ARHGAP26: variants seen among roughly 807,000 people sequenced by gnomAD.
The protein encoded by ARHGAP26 is Rho GTPase activating protein 26.
In ARHGAP26, 38 loss-of-function variants were observed where a neutral mutation model predicts 104.8. That is an observed-to-expected ratio of 0.36 (90% CI 0.28 to 0.48). The LOEUF is 0.48. ARHGAP26 is among the 20% of genes least tolerant of loss of function. ARHGAP26 has a pLI of 0.99. For synonymous variants in ARHGAP26, 341 were observed against 340.0 expected, an observed-to-expected ratio of 1.00 and a Z score of -0.03; for missense variants, 704 against 947.9, an observed-to-expected ratio of 0.74 and a Z score of 3.38.
intron 11 of ARHGAP26, among the ~76,000 whole-genome samples, chr5:142,980,656 T>C (rs1773814642): frequency 6.6e-6 from 1 of 152,136 alleles, no homozygotes; most frequent in Admixed American, 6.5e-5. Flanking sequence ...CCCAAAGTGC[T>C]GGGATTACAG....
intron 12 of ARHGAP26, among the ~76,000 whole-genome samples, chr5:143,030,748 C>T (rs245832): frequency 0.98 from 148,959 of 152,388 alleles, 73,349 homozygotes; most frequent in Middle Eastern, 1. Context: ...TACCTATTCA[C>T]GTATCCAAAA....
rs868161699 is a variant in ARHGAP26 at position 142,823,600 on chromosome 5, C to T, written c.155-49800C>T. Among the ~76,000 whole-genome samples the T allele has an allele frequency of 2.0e-5, 3 of 151,964 alleles. 1 individual carries two copies. The highest frequency in any genetic ancestry group is 4.2e-4 in the South Asian group (2 of 4,818). ...CTAATCTCAAAGCACTGATCATAAG[C>T]AAGTACTATAAGAAAAAAAAAATCC... On this transcript the variant is annotated intron_variant, in intron 1 of 22. Coordinates refer to ENST00000645722, the MANE Select transcript of ARHGAP26 (RefSeq NM_001135608.3).
intron 11 of ARHGAP26, among the ~76,000 whole-genome samples, chr5:142,982,370 G>C (rs1291457769): frequency 6.6e-6 from 1 of 152,240 alleles, no homozygotes; most frequent in East Asian, 1.9e-4. Context: ...AGTGGAGTGA[G>C]ATCAGGGCTG....
At chr5:143,082,035 T>A (rs748103117) in intron 17 of ARHGAP26, among the ~76,000 whole-genome samples, 1,426 of 133,752 alleles carry the variant, frequency 0.011, 15 homozygotes, top group Non-Finnish European at 0.018. Flanking sequence ...AAAAAAAAAA[T>A]GGTAGCTTTT....
intron 1 of ARHGAP26, among the ~76,000 whole-genome samples, chr5:142,783,441 A>T (rs1757918705): frequency 6.6e-6 from 1 of 152,174 alleles, no homozygotes; most frequent in Non-Finnish European, 1.5e-5. Flanking sequence ...GTCAGGGTTA[A>T]AGTCATTTGG....
intron 17 of ARHGAP26, among the ~76,000 whole-genome samples, chr5:143,083,125 GTCT>G (rs908027433): frequency 3.3e-5 from 5 of 152,096 alleles, no homozygotes; most frequent in African/African-American, 1.2e-4. Context: ...CTTTTTCTTC[GTCT>G]TCTTCCTTTT....
intron 4 of ARHGAP26, among the ~76,000 whole-genome samples, 189 bp downstream of exon 4, chr5:142,879,634 A>G (rs1756658543): frequency 6.6e-6 from 1 of 152,356 alleles, no homozygotes; most frequent in South Asian, 2.1e-4. Flanking sequence ...AAGTACGACC[A>G]TCTGAGCCGT....
At chr5:143,108,489 G>A (rs1020448792) in intron 17 of ARHGAP26, among the ~76,000 whole-genome samples, 5 of 151,986 alleles carry the variant, frequency 3.3e-5, no homozygotes, top group African/African-American at 9.7e-5. Flanking sequence ...TAAAAGTACC[G>A]TGACAGGACA....
intron 17 of ARHGAP26, among the ~76,000 whole-genome samples, chr5:143,084,687 A>T (rs1450151262): frequency 6.6e-6 from 1 of 152,076 alleles, no homozygotes; most frequent in Non-Finnish European, 1.5e-5. Context: ...TTTGGGAATA[A>T]CCAGCTGCTT....
At chr5:142,785,748 C>G (rs1758447042) in intron 1 of ARHGAP26, among the ~76,000 whole-genome samples, 2 of 152,116 alleles carry the variant, frequency 1.3e-5, no homozygotes, top group Middle Eastern at 3.2e-3. Context: ...CAGGAAAGCC[C>G]TTCTTCTTCA....
At chr5:143,136,113 G>GTGCTGGGT (rs1380825702) in intron 19 of ARHGAP26, among the ~76,000 whole-genome samples, 1 of 152,202 alleles carries the variant, frequency 6.6e-6, no homozygotes, top group Non-Finnish European at 1.5e-5. Flanking sequence ...GCTTAAAATA[G>GTGCTGGGT]TGCTGGGTAT....
intron 20 of ARHGAP26, among the ~76,000 whole-genome samples, chr5:143,148,868 G>T (rs1231582205): frequency 6.6e-6 from 1 of 152,154 alleles, no homozygotes; most frequent in Non-Finnish European, 1.5e-5. Context: ...TATGAGCAAG[G>T]TTGAATTTCT....
chr5:143,206,985 C>T (rs1477307826), intron 20 of ARHGAP26, among the ~76,000 whole-genome samples: 1 of 152,202 alleles, frequency 6.6e-6, no homozygotes, highest in East Asian at 1.9e-4. Flanking sequence ...AGGGCAAAGC[C>T]TGTTTATACT....
chr5:142,879,433 C>G lies in ARHGAP26; in HGVS notation c.372C>G (p.Ile124Met), dbSNP rs772422132. 2 of 1,612,888 alleles carry G rather than the reference C, an allele frequency of 1.2e-6. No individual in the cohort carries two copies. Among genetic ancestry groups the G allele is most frequent in the South Asian group, 2.2e-5 (2 of 90,798 alleles). ...TGGAGAAGTTTCGAAAGGAACAGAT[C>G]GGGGCTGCCAAGGTGAGAATTTTGC... ...TPLEKFRKEQ[I>M]GAAKEAKKKY... Residue 124 changes from isoleucine (I) to methionine (M), a missense_variant, in exon 4 of 23, where the codon ATC becomes ATG. By Grantham distance (10) the Ile-to-Met change is conservative. Transcript: ENST00000645722.
intron 17 of ARHGAP26, among the ~76,000 whole-genome samples, chr5:143,069,250 T>TTC (rs1787924869): frequency 2.0e-5 from 3 of 152,218 alleles, no homozygotes; most frequent in African/African-American, 7.2e-5. Flanking sequence ...ACTCGTTGTT[T>TTC]TCTTCTCCCC....
In ARHGAP26 at chr5:142,930,754, C is replaced by T. The variant is rs1241512138; in HGVS notation, c.1029-1293C>T. 3.9e-5 allele frequency among the ~76,000 whole-genome samples: 6 copies of T among 152,108 alleles called. No homozygotes were observed. In the South Asian group the frequency reaches 6.2e-4, roughly 16 times the overall value. On this transcript the variant is annotated intron_variant, in intron 10 of 22. Transcript: ENST00000645722. ...TCCTCAACCTGTCTGTATTTACATG[C>T]CCACGGCTCTAAATTTTTAAGGGGA... is the stretch of plus-strand genomic sequence containing the variant.
At chr5:143,085,044 CA>C (rs56852430) in intron 17 of ARHGAP26, among the ~76,000 whole-genome samples, 904 of 61,636 alleles carry the variant, frequency 0.015, 5 homozygotes, top group African/African-American at 0.039. Context: ...GACTCCATCT[CA>C]AAAAAAAAAA....
At chr5:142,825,909 T>C (rs1417795388) in intron 1 of ARHGAP26, among the ~76,000 whole-genome samples, 1 of 152,206 alleles carries the variant, frequency 6.6e-6, no homozygotes, top group East Asian at 1.9e-4. Context: ...TGCTGTGTGC[T>C]GGCTTGGGAA....
chr5:143,019,725 T>C (rs1482982581), intron 12 of ARHGAP26, among the ~76,000 whole-genome samples: 1 of 152,152 alleles, frequency 6.6e-6, no homozygotes, highest in Non-Finnish European at 1.5e-5. Flanking sequence ...TTTTCCAAGT[T>C]TGATGTTTTA....
Sources: allele counts gnomAD v4.1 joint callset (sites outside exome capture counted in the v4.1 genomes callset), GRCh38; gene constraint gnomAD v4.1.1; transcripts MANE v1.5; gene names NCBI Gene and HGNC (gene_info 2026-07-23, HGNC 2026-07-21).